Variants in ATG10 observed in about 807,000 individuals in gnomAD.
The protein encoded by ATG10 is autophagy related 10.
In ATG10, 30 loss-of-function variants were observed where a neutral mutation model predicts 32.1. That is an observed-to-expected ratio of 0.94 (90% CI 0.70 to 1.27). The LOEUF (loss-of-function observed/expected upper bound fraction) is 1.27, where lower values mean the gene tolerates loss of function less well. Among genes scored for constraint, ATG10 ranks in the 50% most tolerant of loss-of-function variants. The pLI is 0.00. For synonymous variants in ATG10, 87 were observed against 91.5 expected, an observed-to-expected ratio of 0.95 and a Z score of 0.28; for missense variants, 233 against 262.3, an observed-to-expected ratio of 0.89 and a Z score of 0.77.
chr5:82,152,232 G>C (rs1236017501), intron 3 of ATG10, among the ~76,000 whole-genome samples: 1 of 152,222 alleles, frequency 6.6e-6, no homozygotes, highest in Non-Finnish European at 1.5e-5. Flanking sequence ...TCTTTATGAA[G>C]AGAAAGGAAA....
At chr5:82,076,744 A>G (rs1377721889) in intron 3 of ATG10, among the ~76,000 whole-genome samples, 1 of 152,244 alleles carries the variant, frequency 6.6e-6, no homozygotes, top group Non-Finnish European at 1.5e-5. Flanking sequence ...AATTCATAGA[A>G]TAGTAGACTA....
intron 2 of ATG10, among the ~76,000 whole-genome samples, chr5:82,003,541 T>C (rs546012453): frequency 4.4e-4 from 67 of 152,334 alleles, no homozygotes; most frequent in Non-Finnish European, 8.5e-4. Flanking sequence ...GAGGCTTCCA[T>C]TGGTCAAAGA....
chr5:82,032,227 C>G (rs550117794), intron 2 of ATG10, among the ~76,000 whole-genome samples: 1 of 152,326 alleles, frequency 6.6e-6, no homozygotes, highest in African/African-American at 2.4e-5. Flanking sequence ...TTTGATTTGC[C>G]TGAATGGTTA....
At chr5:82,231,247 T>C (rs1036222547) in intron 5 of ATG10, among the ~76,000 whole-genome samples, 2 of 152,212 alleles carry the variant, frequency 1.3e-5, no homozygotes, top group African/African-American at 4.8e-5. Context: ...AACACAATTC[T>C]TAAAATTTCA....
chr5:81,986,978 G>A (rs1761295436), intron 1 of ATG10, among the ~76,000 whole-genome samples: 2 of 152,068 alleles, frequency 1.3e-5, no homozygotes, highest in Admixed American at 1.3e-4. Flanking sequence ...GGAAGATGAA[G>A]ATTGCAGTGA....
chr5:82,014,129 T>C (rs1398725837), intron 2 of ATG10, among the ~76,000 whole-genome samples: 2 of 152,218 alleles, frequency 1.3e-5, no homozygotes. Flanking sequence ...TTCCATGTAG[T>C]TGAGCAGTTT....
At position 82,005,411 on chromosome 5, in the gene ATG10, C is replaced by G. The variant is rs1320527949; in HGVS notation, c.108+17733C>G. On this transcript the variant is annotated intron_variant, in intron 2 of 7. Transcript: ENST00000282185. ...CTAGGTTCAGGCAATTCTCCTGCCT[C>G]AGCCTCCCGAGTAGCTGGGATTACA... Among the ~76,000 whole-genome samples the G allele has an allele frequency of 5.9e-5, 9 of 152,302 alleles. No individual in the cohort carries two copies. In the East Asian group the frequency reaches 9.6e-4, roughly 16 times the overall value.
chr5:82,235,268 CTTGGGAG>C (rs1746510460), intron 5 of ATG10, among the ~76,000 whole-genome samples: 1 of 152,130 alleles, frequency 6.6e-6, no homozygotes, highest in South Asian at 2.1e-4. Context: ...TGAGCATTGC[CTTGGGAG>C]TTGATCACAG....
At chr5:82,025,302 C>T (rs1165543003) in intron 2 of ATG10, among the ~76,000 whole-genome samples, 1 of 152,178 alleles carries the variant, frequency 6.6e-6, no homozygotes, top group Non-Finnish European at 1.5e-5. Context: ...GTTAGAAGGT[C>T]ATATAATTCA....
At chr5:82,172,291 G>A (rs1346816861) in intron 4 of ATG10, among the ~76,000 whole-genome samples, 1 of 152,136 alleles carries the variant, frequency 6.6e-6, no homozygotes, top group African/African-American at 2.4e-5. Context: ...GGTGAAAAGC[G>A]CATGGTCTAG....
chr5:82,024,565 A>G (rs139019010), intron 2 of ATG10, among the ~76,000 whole-genome samples: 7 of 152,356 alleles, frequency 4.6e-5, no homozygotes, highest in African/African-American at 1.7e-4. Flanking sequence ...CAGATTGGAA[A>G]TAAAATCCTG....
chr5:82,211,617 C>G (rs1333053665), intron 5 of ATG10, among the ~76,000 whole-genome samples: 1 of 152,214 alleles, frequency 6.6e-6, no homozygotes, highest in Non-Finnish European at 1.5e-5. Context: ...TGCACCTTCT[C>G]TTTCCTGCAG....
intron 3 of ATG10, among the ~76,000 whole-genome samples, chr5:82,096,314 A>G (rs1396413991): frequency 6.6e-6 from 1 of 152,216 alleles, no homozygotes; most frequent in Non-Finnish European, 1.5e-5. Flanking sequence ...CATTTTTGCT[A>G]TTAGTAGAAC....
At chr5:82,227,731 T>C (rs1377059841) in intron 5 of ATG10, among the ~76,000 whole-genome samples, 1 of 152,138 alleles carries the variant, frequency 6.6e-6, no homozygotes, top group Non-Finnish European at 1.5e-5. Context: ...ACTTGGGCTG[T>C]TGTGTCAGAG....
chr5:82,057,780 G>T (rs1448020709), intron 2 of ATG10, among the ~76,000 whole-genome samples: 1 of 152,124 alleles, frequency 6.6e-6, no homozygotes, highest in African/African-American at 2.4e-5. Flanking sequence ...AGAAACAGGA[G>T]ACAAATACTG....
intron 3 of ATG10, among the ~76,000 whole-genome samples, chr5:82,137,107 C>G (rs894907838): frequency 2.0e-5 from 3 of 152,046 alleles, no homozygotes; most frequent in Non-Finnish European, 2.9e-5. Context: ...GTTAGCAATT[C>G]CTCTACCCAT....
At chr5:82,129,644 C>T (rs1404658239) in intron 3 of ATG10, among the ~76,000 whole-genome samples, 2 of 152,142 alleles carry the variant, frequency 1.3e-5, no homozygotes, top group Non-Finnish European at 2.9e-5. Context: ...TCCACTCAAA[C>T]CCTGTTTGCC....
chr5:82,173,967 G>A (rs190247330), intron 4 of ATG10, among the ~76,000 whole-genome samples: 98 of 152,048 alleles, frequency 6.4e-4, no homozygotes, highest in African/African-American at 2.2e-3. Context: ...CATTCTTCAG[G>A]TTTCTACTTT....
rs754650365 is a variant in ATG10 at position 82,256,086 on chromosome 5, C to T, written c.*2023C>T. 10 of 152,178 alleles carry T rather than the reference C, an allele frequency of 6.6e-5. No homozygotes were observed. Among genetic ancestry groups the T allele is most frequent in the Non-Finnish European group, 1.2e-4 (8 of 68,040 alleles). The allele number at this position is 152,178 out of a possible 1,614,324, so 9.4% of individuals were successfully genotyped here. A position where few individuals can be genotyped will look rare whatever the true frequency, so the allele number is the denominator to read the frequency against. ...ACACAGATTTCTCAGCAAGTCATTT[C>T]TCAAGCCATGTCATTTCTAGTGTAA... is the stretch of plus-strand genomic sequence containing the variant. On this transcript the variant is annotated 3_prime_UTR_variant, in exon 8 of 8. Coordinates refer to ENST00000282185, the MANE Select transcript of ATG10 (RefSeq NM_031482.5).
Sources: gnomAD v4.1 joint callset for allele counts (sites outside exome capture counted in the v4.1 genomes callset) on GRCh38, gnomAD v4.1.1 for gene constraint, MANE v1.5 for transcripts, NCBI Gene and HGNC (gene_info 2026-07-23, HGNC 2026-07-21) for gene names.